Variants in NAV3 observed in about 807,000 individuals in gnomAD.
The protein encoded by NAV3 is pore membrane and/or filament interacting like protein 1.
NAV3 carries 87 observed loss-of-function variants against 244.7 expected under a neutral mutation model. The ratio of observed to expected loss-of-function variants is 0.36; its 90% CI spans 0.30 to 0.42. The LOEUF is 0.42. NAV3 is among the 20% of genes least tolerant of loss of function. The pLI is 1.00. For missense variants in NAV3, 2,663 were observed against 2,893.3 expected (o/e 0.92, Z 1.83); for synonymous variants, 1,126 against 1,042.2 (o/e 1.08, Z -1.55).
intron 2 of NAV3, among the ~76,000 whole-genome samples, chr12:77,809,821 G>A (rs1214952371): frequency 1.3e-5 from 2 of 152,106 alleles, no homozygotes; most frequent in African/African-American, 4.8e-5. Flanking sequence ...AACCACTGTT[G>A]TATGGCTTTT....
intron 5 of NAV3, among the ~76,000 whole-genome samples, chr12:77,985,981 C>T (rs1181970594): frequency 6.6e-6 from 1 of 152,130 alleles, no homozygotes; most frequent in Non-Finnish European, 1.5e-5. Context: ...TTGGTAGTCT[C>T]CCATGCAATC....
At chr12:77,924,449 T>G (rs1004070183) in intron 1 of NAV3, among the ~76,000 whole-genome samples, 1 of 152,044 alleles carries the variant, frequency 6.6e-6, no homozygotes, top group African/African-American at 2.4e-5. Context: ...GAGCACAAAT[T>G]TTGGTGAACA....
intron 8 of NAV3, among the ~76,000 whole-genome samples, chr12:78,011,934 A>G (rs949562941): frequency 2.6e-5 from 4 of 152,216 alleles, no homozygotes; most frequent in South Asian, 2.1e-4. Context: ...ACACTTTTAA[A>G]GCATCAGATC....
chr12:78,028,708 T>C (rs763885811), intron 9 of NAV3, among the ~76,000 whole-genome samples: 2 of 152,216 alleles, frequency 1.3e-5, no homozygotes, highest in Non-Finnish European at 2.9e-5. Context: ...TCTGTTGGTT[T>C]TGCAAACATT....
intron 1 of NAV3, among the ~76,000 whole-genome samples, chr12:77,872,809 A>G (rs1373109195): frequency 6.6e-6 from 1 of 152,014 alleles, no homozygotes; most frequent in South Asian, 2.1e-4. Flanking sequence ...CATTTTTTTC[A>G]TATTCTATTG....
rs553161823 is a variant in NAV3, at chr12:78,161,102, G to A, written c.4869+1816G>A. On this transcript the variant is annotated intron_variant, in intron 23 of 39. Transcript: ENST00000397909. ...ACACTGGGCCCCAGTATTCTTGAAT[G>A]AGAATTCTGGCTATGTCTGTTAAAA... Among the ~76,000 whole-genome samples, 11 of 152,198 alleles carry A rather than the reference G, an allele frequency of 7.2e-5. No individual in the cohort carries two copies. In the South Asian group the frequency reaches 1.7e-3, roughly 23 times the overall value.
chr12:77,630,506 T>TC (rs1871844374), intron 2 of NAV3, among the ~76,000 whole-genome samples: 1 of 152,200 alleles, frequency 6.6e-6, no homozygotes, highest in Non-Finnish European at 1.5e-5. Context: ...TGTCACCTGA[T>TC]ATGGTCAGCT....
At chr12:77,776,950 G>A (rs1016858943) in intron 2 of NAV3, among the ~76,000 whole-genome samples, 2 of 152,172 alleles carry the variant, frequency 1.3e-5, no homozygotes, top group Non-Finnish European at 2.9e-5. Context: ...TTAAGCATAC[G>A]TTTAATAGGA....
At position 77,680,037 on chromosome 12, in the gene NAV3, A is replaced by G. The variant is rs189337214; in HGVS notation, c.72+107771A>G. Among the ~76,000 whole-genome samples, 263 of 152,284 alleles carry G rather than the reference A, an allele frequency of 1.7e-3. 1 individual carries two copies. Among genetic ancestry groups the G allele is most frequent in the Non-Finnish European group, 1.3e-3 (87 of 68,024 alleles). ...AGGATTTATAGAAATAAGAGGATGC[A>G]CAAGTGAAAGGGAAACTTTTGAACA... On this transcript the variant is annotated intron_variant, in intron 2 of 8. Transcript: ENST00000550042.
At chr12:78,014,444 C>T (rs1875836193) in intron 8 of NAV3, among the ~76,000 whole-genome samples, 1 of 151,880 alleles carries the variant, frequency 6.6e-6, no homozygotes, top group African/African-American at 2.4e-5. Context: ...AAGCAGAGAC[C>T]CTCTATTAAC....
intron 12 of NAV3, among the ~76,000 whole-genome samples, chr12:78,067,655 A>C (rs1885179049): frequency 6.6e-6 from 1 of 152,068 alleles, no homozygotes; most frequent in East Asian, 1.9e-4. Context: ...CAAGAGTCTT[A>C]TATTAGAAGA....
chr12:77,624,559 G>A (rs1445930815), intron 2 of NAV3, among the ~76,000 whole-genome samples: 3 of 151,946 alleles, frequency 2.0e-5, no homozygotes, highest in Admixed American at 6.6e-5. Flanking sequence ...TATGAATGAT[G>A]AGGTTGGACT....
chr12:77,985,727 C>T (rs372951731), intron 5 of NAV3, among the ~76,000 whole-genome samples: 18 of 151,780 alleles, frequency 1.2e-4, no homozygotes, highest in Admixed American at 5.3e-4. Context: ...TTAGATTCTT[C>T]CCTTTCTTTC....
At position 78,210,280 on chromosome 12, in the gene NAV3, TC is replaced by T. The variant is rs1252919950; in HGVS notation, c.7039-114del. The T allele has an allele frequency of 1.1e-5, 16 of 1,454,596 alleles. No homozygotes were observed. The African/African-American group carries it at 2.3e-4, about 21-fold the overall frequency. The allele number at this position is 1,454,596 out of a possible 1,614,324, so 90.1% of individuals were successfully genotyped here. On this transcript the variant is annotated intron_variant, in intron 39 of 39. Transcript: ENST00000397909. ...AACGAGTAAAAATCTAAAATTATTT[TC>T]CCCTGTTACTTGGATGGGATAAGAT... is the stretch of plus-strand genomic sequence containing the variant.
intron 28 of NAV3, among the ~76,000 whole-genome samples, chr12:78,179,024 T>C (rs893294190): frequency 1.3e-5 from 2 of 152,256 alleles, no homozygotes; most frequent in East Asian, 3.9e-4. Context: ...ATCTCTAATT[T>C]ATTTTCTACA....
intron 2 of NAV3, among the ~76,000 whole-genome samples, chr12:77,610,688 A>G (rs1390002417): frequency 1.3e-5 from 2 of 152,038 alleles, no homozygotes; most frequent in East Asian, 1.9e-4. Context: ...AGAACATTTC[A>G]TATGTGACTG....
chr12:77,649,004 A>G lies in NAV3; in HGVS notation c.72+76738A>G, dbSNP rs530770993. ...GTCTTAGGAGATCTGCTGTAATCAT[A>G]GATTATTCTCAGTAGCTGGGCTTCT... On this transcript the variant is annotated intron_variant, in intron 2 of 8. Coordinates refer to the NAV3 transcript ENST00000550042. 1.8e-4 allele frequency among the ~76,000 whole-genome samples: 28 copies of G among 152,270 alleles called. 1 individual carries two copies. In the South Asian group the frequency reaches 5.2e-3, roughly 28 times the overall value.
At chr12:77,740,329 A>G (rs1868304449) in intron 2 of NAV3, among the ~76,000 whole-genome samples, 1 of 152,210 alleles carries the variant, frequency 6.6e-6, no homozygotes, top group South Asian at 2.1e-4. Context: ...TCAGAATGCT[A>G]TAGAAACAGC....
chr12:77,893,347 C>T (rs1031137486), intron 1 of NAV3, among the ~76,000 whole-genome samples: 1 of 151,906 alleles, frequency 6.6e-6, no homozygotes, highest in Non-Finnish European at 1.5e-5. Flanking sequence ...AGTAACTGAC[C>T]AATATGCTAT....
Sources: gnomAD v4.1 joint callset for allele counts (sites outside exome capture counted in the v4.1 genomes callset) on GRCh38, gnomAD v4.1.1 for gene constraint, MANE v1.5 for transcripts, NCBI Gene and HGNC (gene_info 2026-07-23, HGNC 2026-07-21) for gene names.